The following ZNF536 variants were observed in gnomAD, a reference collection of about 807,000 sequenced individuals.
ZNF536 encodes zinc finger protein 536.
In ZNF536, 13 loss-of-function variants were observed where a neutral mutation model predicts 84.5. The ratio of observed to expected loss-of-function variants is 0.15; its 90% CI spans 0.10 to 0.24. ZNF536 has a LOEUF of 0.24. Ranked by LOEUF, ZNF536 falls within the 10% of genes least tolerant of loss-of-function variation. The pLI is 1.00. For missense variants in ZNF536, 1,536 were observed against 1,747.5 expected (o/e 0.88, Z 2.16); for synonymous variants, 811 against 742.5 (o/e 1.09, Z -1.50).
intron 1 of ZNF536, among the ~76,000 whole-genome samples, chr19:30,603,647 A>G (rs1312472355): frequency 6.6e-6 from 1 of 152,238 alleles, no homozygotes; most frequent in Non-Finnish European, 1.5e-5. Context: ...CCAATCTTGC[A>G]TACTGTGATG....
At chr19:30,457,237 T>G (rs1893257814) in intron 2 of ZNF536, among the ~76,000 whole-genome samples, 1 of 152,156 alleles carries the variant, frequency 6.6e-6, no homozygotes, top group Admixed American at 6.5e-5. Flanking sequence ...CCACTTCAAT[T>G]AGCTCAGCGA....
chr19:30,423,304 C>T (rs756695802), intron 1 of ZNF536, among the ~76,000 whole-genome samples: 24 of 152,104 alleles, frequency 1.6e-4, no homozygotes, highest in Non-Finnish European at 2.5e-4. Flanking sequence ...GTATTTACTT[C>T]TTCATCCACT....
chr19:30,279,266 C>T (rs371415891), intron 1 of ZNF536, among the ~76,000 whole-genome samples: 28 of 152,196 alleles, frequency 1.8e-4, no homozygotes, highest in Admixed American at 1.4e-3. Flanking sequence ...AATCTGGTCT[C>T]GGAAACATGA....
chr19:30,408,666 T>C (rs971792716), intron 1 of ZNF536, among the ~76,000 whole-genome samples: 2 of 152,172 alleles, frequency 1.3e-5, no homozygotes, highest in Admixed American at 6.5e-5. Context: ...TTTGTTTTAT[T>C]CCTTTGGTTG....
chr19:30,379,755 G>T (rs192765728), intron 1 of ZNF536, among the ~76,000 whole-genome samples: 1 of 152,108 alleles, frequency 6.6e-6, no homozygotes, highest in African/African-American at 2.4e-5. Context: ...CATTCCACTG[G>T]CTGCAGGGGA....
chr19:30,273,803 G>T (rs1449349916), intron 1 of ZNF536, among the ~76,000 whole-genome samples: 3 of 152,112 alleles, frequency 2.0e-5, no homozygotes, highest in African/African-American at 7.2e-5. Context: ...TGAAACCTGA[G>T]ATTTTGAGAA....
At chr19:30,631,838 A>G (rs911274137) in intron 1 of ZNF536, among the ~76,000 whole-genome samples, 4 of 152,118 alleles carry the variant, frequency 2.6e-5, no homozygotes, top group Non-Finnish European at 4.4e-5. Context: ...ATCAGAGAGC[A>G]CTCGAGGATT....
intron 1 of ZNF536, among the ~76,000 whole-genome samples, chr19:30,424,163 C>T (rs1201360452): frequency 7.2e-5 from 11 of 152,194 alleles, no homozygotes; most frequent in Non-Finnish European, 1.5e-4. Context: ...AACTCTCCAC[C>T]TGCTCTGGGT....
At chr19:30,309,958 G>T (rs1225147073) in intron 2 of ZNF536, among the ~76,000 whole-genome samples, 1 of 152,052 alleles carries the variant, frequency 6.6e-6, no homozygotes, top group African/African-American at 2.4e-5. Flanking sequence ...GTGGGGAGGG[G>T]CAGGGACAAG....
At chr19:30,451,022 G>A (rs1231485281) in intron 2 of ZNF536, among the ~76,000 whole-genome samples, 1 of 152,268 alleles carries the variant, frequency 6.6e-6, no homozygotes, top group Non-Finnish European at 1.5e-5. Flanking sequence ...GGAGATTTAC[G>A]GAGGATCGGC....
chr19:30,438,856 T>A (rs111446122), intron 1 of ZNF536, among the ~76,000 whole-genome samples: 4,555 of 152,058 alleles, frequency 0.03, 234 homozygotes, highest in African/African-American at 0.1. Context: ...TTATTTTATA[T>A]TTTTAGTAGA....
intron 1 of ZNF536, among the ~76,000 whole-genome samples, chr19:30,589,097 T>G (rs565822396): frequency 5.3e-5 from 8 of 152,242 alleles, no homozygotes; most frequent in African/African-American, 1.9e-4. Flanking sequence ...GGACATTAGA[T>G]TTTGGTTCTC....
In ZNF536 at chr19:30,549,132, C is replaced by T. The variant is rs2146239435; in HGVS notation, c.3513C>T (p.Asp1171=). The change falls in exon 4 of 5, where the codon GAC becomes GAT. Residue 1171 remains aspartate, a synonymous_variant. Transcript: ENST00000355537. ...LSDIASSEDM[D]SSKGENNDEE... ...ACATTGCCTCCTCAGAGGACATGGA[C>T]TCCTCCAAGGGGGAGAACAACGATG... is the stretch of plus-strand genomic sequence containing the variant. The T allele has an allele frequency of 6.2e-7, 1 of 1,614,138 alleles. No homozygotes were observed.
At chr19:30,558,433 GCCATCATGCC>G (rs1432207978), downstream of ZNF536, among the ~76,000 whole-genome samples, 1 of 152,154 alleles carries the variant, frequency 6.6e-6, no homozygotes, top group Admixed American at 6.5e-5. Flanking sequence ...GAGTATGCCG[GCCATCATGCC>G]CCATCCCAGA....
intron 1 of ZNF536, among the ~76,000 whole-genome samples, chr19:30,592,427 T>A (rs1459007426): frequency 6.6e-6 from 1 of 152,198 alleles, no homozygotes; most frequent in Non-Finnish European, 1.5e-5. Context: ...GGGTCAGGCA[T>A]GTGGGTGTCT....
chr19:30,412,051 T>A (rs936732454), intron 1 of ZNF536, among the ~76,000 whole-genome samples: 3 of 151,986 alleles, frequency 2.0e-5, no homozygotes, highest in African/African-American at 7.2e-5. Flanking sequence ...TGTTTTTTTT[T>A]ATACAGGAAA....
At chr19:30,706,818 C>G (rs889705681) in intron 1 of ZNF536, among the ~76,000 whole-genome samples, 3 of 152,196 alleles carry the variant, frequency 2.0e-5, no homozygotes, top group South Asian at 4.1e-4. Flanking sequence ...GTAATTAGGA[C>G]AGTGGCCAGC....
chr19:30,414,466 A>G (rs1473956313), intron 1 of ZNF536, among the ~76,000 whole-genome samples: 1 of 151,948 alleles, frequency 6.6e-6, no homozygotes, highest in Non-Finnish European at 1.5e-5. Flanking sequence ...CATGGATGAA[A>G]TTTTGTTTCA....
chr19:30,538,507 A>C (rs1474858708), intron 3 of ZNF536, among the ~76,000 whole-genome samples: 4 of 152,060 alleles, frequency 2.6e-5, no homozygotes, highest in Non-Finnish European at 4.4e-5. Context: ...TTTGTTGGAG[A>C]GGTGCTGACT....
Sources: gnomAD v4.1 joint callset for allele counts (sites outside exome capture counted in the v4.1 genomes callset) on GRCh38, gnomAD v4.1.1 for gene constraint, MANE v1.5 for transcripts, NCBI Gene and HGNC (gene_info 2026-07-23, HGNC 2026-07-21) for gene names.